Variants in PHACTR1 observed in about 807,000 individuals in gnomAD.
The protein encoded by PHACTR1 is phosphatase and actin regulator 1.
Under a neutral mutation model 69.2 loss-of-function variants are expected in PHACTR1, and 16 were observed. The observed-to-expected ratio is 0.23, with a 90% CI of 0.16 to 0.35. The LOEUF is 0.35. Among genes scored for constraint, PHACTR1 ranks in the 10% least tolerant of loss-of-function variants. The probability of loss-of-function intolerance (pLI) is 1.00; values close to 1 mark genes in which losing one functional copy is unlikely to be tolerated. For synonymous variants in PHACTR1, 312 were observed against 284.5 expected (o/e 1.10, Z -0.97); for missense variants, 510 against 734.7 (o/e 0.69, Z 3.54).
At chr6:13,015,539 T>G (rs1172340679) in intron 4 of PHACTR1, among the ~76,000 whole-genome samples, 1 of 152,222 alleles carries the variant, frequency 6.6e-6, no homozygotes, top group Non-Finnish European at 1.5e-5. Context: ...GAGCTTGAGA[T>G]GCAGGCTAAA....
chr6:13,287,366 G>A lies in PHACTR1; in HGVS notation c.*288G>A, dbSNP rs1781890661. ...GCCCTGACTGAAGACTGTCTGGCAG[G>A]TGGAACGGTCCTTGTCCTCTCCAGC... On this transcript the variant is annotated 3_prime_UTR_variant, in exon 15 of 15. Transcript: ENST00000332995. 4.2e-6 allele frequency: 2 copies of A among 480,876 alleles called. No homozygotes were observed. The highest frequency in any genetic ancestry group is 7.4e-6 in the Non-Finnish European group (2 of 269,550). 29.8% of individuals were successfully genotyped at this position (480,876 alleles called of 1,614,324 possible).
intron 10 of PHACTR1, among the ~76,000 whole-genome samples, chr6:13,263,016 A>G (rs1159745450): frequency 6.6e-6 from 1 of 152,234 alleles, no homozygotes; most frequent in Non-Finnish European, 1.5e-5. Flanking sequence ...AAACGGCAGA[A>G]AGCCCATTAG....
At chr6:13,270,480 G>C (rs1242365125) in intron 10 of PHACTR1, among the ~76,000 whole-genome samples, 1 of 152,118 alleles carries the variant, frequency 6.6e-6, no homozygotes, top group African/African-American at 2.4e-5. Flanking sequence ...CACCTAATTA[G>C]CACAAACTCT....
At chr6:12,762,241 A>G (rs1768101502) in intron 4 of PHACTR1, among the ~76,000 whole-genome samples, 1 of 152,172 alleles carries the variant, frequency 6.6e-6, no homozygotes, top group Non-Finnish European at 1.5e-5. Context: ...TGAGTTTTAC[A>G]GTTTAGAATA....
At chr6:13,175,269 T>G (rs1761165407) in intron 6 of PHACTR1, among the ~76,000 whole-genome samples, 2 of 152,240 alleles carry the variant, frequency 1.3e-5, no homozygotes, top group South Asian at 4.1e-4. Context: ...TTAGCTCATC[T>G]GATATTTCAG....
intron 4 of PHACTR1, among the ~76,000 whole-genome samples, chr6:13,041,203 A>G (rs1479470474): frequency 2.0e-5 from 3 of 152,170 alleles, no homozygotes; most frequent in African/African-American, 7.2e-5. Flanking sequence ...ATGGAAGTCA[A>G]TTTCTGTGTT....
intron 10 of PHACTR1, among the ~76,000 whole-genome samples, chr6:13,261,154 C>T (rs73725649): frequency 0.071 from 10,877 of 152,270 alleles, 770 homozygotes; most frequent in African/African-American, 0.18. Flanking sequence ...TGGAGAGTTA[C>T]TGAGACCTCG....
chr6:13,030,959 T>C (rs908332559), intron 4 of PHACTR1, among the ~76,000 whole-genome samples: 1 of 152,206 alleles, frequency 6.6e-6, no homozygotes, highest in African/African-American at 2.4e-5. Context: ...TGTTCAGCAG[T>C]ATCCTGGCCT....
At chr6:13,278,521 C>T (rs9395602) in intron 12 of PHACTR1, among the ~76,000 whole-genome samples, 192 bp downstream of exon 12, 24,037 of 152,224 alleles carry the variant, frequency 0.16, 2,197 homozygotes, top group South Asian at 0.31. Context: ...GCTGGTGACA[C>T]TCAATGTTGT....
chr6:12,863,252 G>A (rs572478771), intron 4 of PHACTR1, among the ~76,000 whole-genome samples: 1 of 152,364 alleles, frequency 6.6e-6, no homozygotes, highest in South Asian at 2.1e-4. Context: ...AAGGCTGGAT[G>A]TCTAAGATCA....
intron 4 of PHACTR1, among the ~76,000 whole-genome samples, chr6:12,815,829 T>G (rs908490553): frequency 1.3e-5 from 2 of 152,206 alleles, no homozygotes. Flanking sequence ...CACAAGAAAC[T>G]GAAGGTTTTC....
intron 4 of PHACTR1, among the ~76,000 whole-genome samples, chr6:12,978,985 AGAG>A (rs766155132): frequency 1.2e-4 from 19 of 152,174 alleles, no homozygotes; most frequent in Admixed American, 9.2e-4. Context: ...GCTGGTGAAA[AGAG>A]GAGGGAGATG....
intron 4 of PHACTR1, among the ~76,000 whole-genome samples, chr6:12,753,963 TATA>T (rs1214651138): frequency 0.029 from 3,510 of 120,850 alleles, 181 homozygotes; most frequent in African/African-American, 0.091. Context: ...TATATATATA[TATA>T]TATATTTTTT....
At chr6:12,857,012 G>T (rs1458876672) in intron 4 of PHACTR1, among the ~76,000 whole-genome samples, 5 of 152,064 alleles carry the variant, frequency 3.3e-5, no homozygotes, top group Non-Finnish European at 7.4e-5. Flanking sequence ...TTCTGTTTGA[G>T]GAATATTGTG....
At chr6:12,895,839 A>G (rs760538495) in intron 4 of PHACTR1, among the ~76,000 whole-genome samples, 21 of 152,304 alleles carry the variant, frequency 1.4e-4, no homozygotes, top group African/African-American at 4.1e-4. Flanking sequence ...CTCACCCACA[A>G]GGATTTTCCA....
Position 12,856,808 on chromosome 6 carries a change from T to G in PHACTR1, c.250+107018T>G, listed in dbSNP as rs567195925. Among the ~76,000 whole-genome samples the G allele has an allele frequency of 5.9e-5, 9 of 152,248 alleles. No homozygotes were observed. The East Asian group carries it at 1.2e-3, about 20-fold the overall frequency. On this transcript the variant is annotated intron_variant, in intron 4 of 14. Coordinates refer to ENST00000332995, the MANE Select transcript of PHACTR1 (RefSeq NM_030948.6). ...TTGGCCAGTCTAAACAAAATGCTGG[T>G]TTTTATTTGAGAATTAAGCCAGAAG...
chr6:12,785,831 T>C (rs1561880778), intron 4 of PHACTR1, among the ~76,000 whole-genome samples: 1 of 152,250 alleles, frequency 6.6e-6, no homozygotes, highest in East Asian at 1.9e-4. Flanking sequence ...ATTCATTATA[T>C]TATTCATTCA....
chr6:12,721,041 G>C (rs1762057561), intron 3 of PHACTR1, among the ~76,000 whole-genome samples: 1 of 152,160 alleles, frequency 6.6e-6, no homozygotes, highest in African/African-American at 2.4e-5. Flanking sequence ...CTACACACGA[G>C]CAAATCAATA....
At chr6:13,139,983 T>C (rs545309014) in intron 5 of PHACTR1, among the ~76,000 whole-genome samples, 1 of 152,334 alleles carries the variant, frequency 6.6e-6, no homozygotes, top group South Asian at 2.1e-4. Context: ...TTCTGTGCTC[T>C]GAGGTGAAGA....
Sources: allele counts gnomAD v4.1 joint callset (sites outside exome capture counted in the v4.1 genomes callset), GRCh38; gene constraint gnomAD v4.1.1; transcripts MANE v1.5; gene names NCBI Gene and HGNC (gene_info 2026-07-23, HGNC 2026-07-21).